Variants in SMARCE1 observed in about 807,000 individuals in gnomAD.
SMARCE1 encodes SWI/SNF related BAF chromatin remodeling complex subunit E1, also known as SWI/SNF-related matrix-associated actin-dependent regulator of chromatin subfamily E member 1.
Under a neutral mutation model 54.9 loss-of-function variants are expected in SMARCE1, and 13 were observed. The observed-to-expected ratio is 0.24, with a 90% CI of 0.15 to 0.38. The LOEUF (loss-of-function observed/expected upper bound fraction) is 0.38, where lower values mean the gene tolerates loss of function less well. Ranked by LOEUF, SMARCE1 falls within the 10% of genes least tolerant of loss-of-function variation. The pLI is 1.00. For synonymous variants in SMARCE1, 151 were observed against 175.3 expected (o/e 0.86, Z 1.10); for missense variants, 295 against 523.8 (o/e 0.56, Z 4.26).
chr17:40,631,022 A>G (rs2037089056), intron 9 of SMARCE1, 98 bp from the exon 10 acceptor site: 2 of 869,490 alleles, frequency 2.3e-6, no homozygotes, highest in Admixed American at 2.5e-5. Flanking sequence ...TATAAACTAT[A>G]TATATATATC....
At chr17:40,644,612 T>C (rs2037235121) in intron 3 of SMARCE1, 1 of 152,214 alleles carries the variant, frequency 6.6e-6, no homozygotes, top group African/African-American at 2.4e-5. Flanking sequence ...GGTATCTCTT[T>C]TCTAAAGTAT....
chr17:40,631,104 TAC>T (rs1264884171), intron 9 of SMARCE1, 180 bp from the exon 10 acceptor site: 1 of 569,202 alleles, frequency 1.8e-6, no homozygotes, highest in Admixed American at 3.3e-5. Context: ...CTCTTGGGTC[TAC>T]AAGAAAAAAC....
intron 4 of SMARCE1, among the ~76,000 whole-genome samples, chr17:40,638,075 A>C (rs930280638): frequency 2.0e-5 from 3 of 152,210 alleles, no homozygotes; most frequent in African/African-American, 7.2e-5. Flanking sequence ...CAAAAACAAA[A>C]ACAATTAGTG....
Position 40,630,889 on chromosome 17 carries a change from T to C in SMARCE1, c.852A>G (p.Lys284=). 1 of 1,613,654 alleles carries C rather than the reference T, an allele frequency of 6.2e-7. No homozygotes were observed. The highest frequency in any genetic ancestry group is 1.3e-5 in the African/African-American group (1 of 75,022). Residue 284 remains lysine, a synonymous_variant, in exon 10 of 11, where the codon AAA becomes AAG. Coordinates refer to ENST00000348513, the MANE Select transcript of SMARCE1 (RefSeq NM_003079.5). ...CTGCCTGTGCAATCTCAGCTGCAAT[T>C]TTCTCCATATCCACTTCTACTTTCA... ...CGLKVEVDME[K]IAAEIAQAEE...
Position 40,627,827 on chromosome 17 carries a change from T to C in SMARCE1, c.*958A>G, listed in dbSNP as rs1235375005. The C allele has an allele frequency of 2.0e-5, 3 of 152,668 alleles. No homozygotes were observed. The highest frequency in any genetic ancestry group is 1.3e-4 in the Admixed American group (2 of 15,284). 9.5% of individuals were successfully genotyped at this position (152,668 alleles called of 1,614,324 possible). ...TGGGAAGCTTATGTGTCACAAACTA[T>C]CTTGCTTCTAGTCTCCAAGACTTTA... On this transcript the variant is annotated 3_prime_UTR_variant, in exon 11 of 11. Coordinates refer to ENST00000348513, the MANE Select transcript of SMARCE1 (RefSeq NM_003079.5).
At position 40,630,916 on chromosome 17, in the gene SMARCE1, A is replaced by C. The variant is rs1253564733; in HGVS notation, c.825T>G (p.Gly275=). ...SFNNELKRLC[G]LKVEVDMEKI... is the part of the protein sequence containing the mutation. ...TCTCCATATCCACTTCTACTTTCAGACCGCACAACTAATCAGAAAAAAACA... is the reference window on the plus strand; with the variant it reads ...TCTCCATATCCACTTCTACTTTCAGCCCGCACAACTAATCAGAAAAAAACA... The change falls in exon 10 of 11, where the codon GGT becomes GGG. Residue 275 remains glycine, a synonymous_variant. Transcript: ENST00000348513. 6.2e-7 allele frequency: 1 copy of C among 1,612,014 alleles called. No individual in the cohort carries two copies.
Position 40,642,122 on chromosome 17 carries a change from T to C in SMARCE1, c.156+333A>G. 1 of 451,254 alleles carries C rather than the reference T, an allele frequency of 2.2e-6. No homozygotes were observed. The highest frequency in any genetic ancestry group is 3.9e-6 in the Non-Finnish European group (1 of 258,504). 28.0% of individuals were successfully genotyped at this position (451,254 alleles called of 1,614,324 possible). On this transcript the variant is annotated intron_variant, in intron 4 of 10. Transcript: ENST00000348513. This position sits in a 1 kb window ranked among gnomAD's most constrained non-coding sequence, Gnocchi z 4.6. ...CTTGAGACTAATGCCAATCACCTTATAAAAATGAAAAATACTCTTTATGTC... is the reference window on the plus strand; with the variant it reads ...CTTGAGACTAATGCCAATCACCTTACAAAAATGAAAAATACTCTTTATGTC...
At chr17:40,634,785 T>A (rs1171597027) in intron 7 of SMARCE1, 1 of 152,220 alleles carries the variant, frequency 6.6e-6, no homozygotes, top group Non-Finnish European at 1.5e-5. Context: ...TGTACTGACC[T>A]CCATCCTCCC....
intron 3 of SMARCE1, chr17:40,644,293 A>T (rs1319674845): frequency 6.6e-6 from 1 of 152,146 alleles, no homozygotes; most frequent in Admixed American, 6.5e-5. Flanking sequence ...CATAAATAAT[A>T]AGAATCACTG....
In SMARCE1 at chr17:40,628,566, G is replaced by A; in HGVS notation, c.*219C>T. ...AATTCTGAGGCTTTCAGCAGTTGAG[G>A]GCTAGAAACAAGATCCAAAGAAAAG... On this transcript the variant is annotated 3_prime_UTR_variant, in exon 11 of 11. Transcript: ENST00000348513. 4.0e-6 allele frequency: 2 copies of A among 501,746 alleles called. No homozygotes were observed. Among genetic ancestry groups the A allele is most frequent in the Non-Finnish European group, 7.2e-6 (2 of 279,324 alleles). The allele number at this position is 501,746 out of a possible 1,614,324, so 31.1% of individuals were successfully genotyped here.
rs1461591715 is a variant in SMARCE1 at position 40,645,672 on chromosome 17, T to C, written c.8-53A>G. ...TGTAAACAACTGAGATATAATACTA[T>C]GCAACAAAACTACCAATGGTCCTGT... On this transcript the variant is annotated intron_variant, in intron 2 of 10. Transcript: ENST00000348513. 17 of 1,333,910 alleles carry C rather than the reference T, an allele frequency of 1.3e-5. 1 individual carries two copies. In the South Asian group the frequency reaches 1.8e-4, roughly 14 times the overall value. 82.6% of individuals were successfully genotyped at this position (1,333,910 alleles called of 1,614,324 possible).
chr17:40,640,216 T>C (rs1366800824), intron 4 of SMARCE1: 1 of 152,238 alleles, frequency 6.6e-6, no homozygotes, highest in Admixed American at 6.5e-5. Flanking sequence ...TTTCTATTAA[T>C]GTACAGAAAT....
chr17:40,637,701 A>T, intron 4 of SMARCE1, 129 bp from the exon 5 acceptor site: 1 of 672,694 alleles, frequency 1.5e-6, no homozygotes, highest in East Asian at 2.7e-5. Context: ...CACTGAAAAT[A>T]GCTATCACTG....
chr17:40,631,134 T>C (rs1009528960), intron 9 of SMARCE1: 25 of 541,222 alleles, frequency 4.6e-5, no homozygotes, highest in Non-Finnish European at 7.4e-5. Context: ...CTAGCAGTTG[T>C]ATAATATAGG....
At position 40,642,853 on chromosome 17, in the gene SMARCE1, G is replaced by C. The variant is rs2037213033; in HGVS notation, c.52-294C>G. The C allele has an allele frequency of 2.9e-6, 1 of 343,862 alleles. No individual in the cohort carries two copies. The highest frequency in any genetic ancestry group is 5.3e-6 in the Non-Finnish European group (1 of 190,462). The allele number at this position is 343,862 out of a possible 1,614,324, so 21.3% of individuals were successfully genotyped here. A position where few individuals can be genotyped will look rare whatever the true frequency, so the allele number is the denominator to read the frequency against. On this transcript the variant is annotated intron_variant, in intron 3 of 10. Coordinates refer to ENST00000348513, the MANE Select transcript of SMARCE1 (RefSeq NM_003079.5). This position sits in a 1 kb window ranked among gnomAD's most constrained non-coding sequence, Gnocchi z 4.6. Reference sequence around the variant, plus strand: ...TTTTTGAGGTAAGCAACACACTGAAGTGTTTAAAACATTCAGGATTACTTT... The same window carrying C: ...TTTTTGAGGTAAGCAACACACTGAACTGTTTAAAACATTCAGGATTACTTT...
At position 40,630,709 on chromosome 17, in the gene SMARCE1, G is replaced by A; in HGVS notation, c.1027+5C>T. On this transcript the variant is annotated splice_donor_5th_base_variant and intron_variant, in intron 10 of 10. Transcript: ENST00000348513. ...CTGCCTCTGCGTTTGTTGCTAGTGG[G>A]TTACCTGTCTCCATCGGAATGTTCT... The A allele has an allele frequency of 6.2e-7, 1 of 1,612,628 alleles. No individual in the cohort carries two copies. Among genetic ancestry groups the A allele is most frequent in the Non-Finnish European group, 8.5e-7 (1 of 1,178,692 alleles).
rs878854601 is a variant in SMARCE1, at chr17:40,636,433, C to G, written c.331G>C (p.Glu111Gln). 6.2e-7 allele frequency: 1 copy of G among 1,612,328 alleles called. No individual in the cohort carries two copies. The highest frequency in any genetic ancestry group is 8.5e-7 in the Non-Finnish European group (1 of 1,179,456). Residue 111 changes from glutamate (E) to glutamine (Q), a missense_variant, in exon 6 of 11, where the codon GAA becomes CAA. Glu to Gln is a conservative substitution (Grantham distance 29, BLOSUM62 2). This residue lies in a region of SMARCE1 where 15 missense variants were observed against 40.1 expected (regional missense o/e 0.37). Transcript: ENST00000348513. ...TATTCGTTTAAATATTCTTGTTTTT[C>G]TTCATCAGTGAGATCTCGCCACATG... Reference protein sequence around the residue: ...GGMWRDLTDEEKQEYLNEYEA... With the variant: ...GGMWRDLTDEQKQEYLNEYEA...
intron 5 of SMARCE1, chr17:40,636,773 T>C (rs904781639): frequency 8.1e-5 from 27 of 333,106 alleles, no homozygotes; most frequent in African/African-American, 5.5e-4. Context: ...TTCAATTTGA[T>C]AAGCAAGAAT....
At chr17:40,635,847 G>T in intron 7 of SMARCE1, 84 bp downstream of exon 7, 1 of 1,030,372 alleles carries the variant, frequency 9.7e-7, no homozygotes, top group Non-Finnish European at 1.4e-6. Flanking sequence ...TTTAGGATAA[G>T]AAATAAAAAC....
Sources: gnomAD v4.1 joint callset for allele counts (sites outside exome capture counted in the v4.1 genomes callset) on GRCh38, gnomAD v4.1.1 for gene constraint, gnomAD v4.1.1 regional missense constraint, Gnocchi (gnomAD v3.1) non-coding constraint, MANE v1.5 for transcripts, NCBI Gene and HGNC (gene_info 2026-07-23, HGNC 2026-07-21) for gene names.